The following MTA3 variants were observed in gnomAD, a reference collection of about 807,000 sequenced individuals.
MTA3 encodes the protein metastasis-associated protein MTA3.
MTA3 carries 34 observed loss-of-function variants against 83.5 expected under a neutral mutation model. That is an observed-to-expected ratio of 0.41 (90% CI 0.31 to 0.54). MTA3 has a LOEUF of 0.54. Among genes scored for constraint, MTA3 ranks in the 20% least tolerant of loss-of-function variants. The pLI, the probability that MTA3 is intolerant of heterozygous loss-of-function variation, is 0.33. For synonymous variants in MTA3, 303 were observed against 252.7 expected, an observed-to-expected ratio of 1.20 and a Z score of -1.89; for missense variants, 761 against 726.4, an observed-to-expected ratio of 1.05 and a Z score of -0.55.
At chr2:42,552,958 A>T (rs75438297) in intron 2 of MTA3, among the ~76,000 whole-genome samples, 25 of 121,490 alleles carry the variant, frequency 2.1e-4, no homozygotes, top group South Asian at 7.0e-4. Flanking sequence ...TCAAAAAATT[A>T]AAAAAAAAAA....
intron 2 of MTA3, 115 bp from the exon 3 acceptor site, chr2:42,578,992 T>C (rs1679332217): frequency 3.2e-6 from 2 of 627,222 alleles, no homozygotes; most frequent in Non-Finnish European, 5.3e-6. Flanking sequence ...GCAGTTGTGG[T>C]TGGCACCAGT....
chr2:42,713,316 GTT>G (rs1195796468), intron 14 of MTA3, among the ~76,000 whole-genome samples: 1 of 150,776 alleles, frequency 6.6e-6, no homozygotes, highest in Non-Finnish European at 1.5e-5. Flanking sequence ...TGAAAAATGT[GTT>G]TTATGAGATT....
At chr2:42,576,589 A>AC (rs1315535111) in intron 2 of MTA3, among the ~76,000 whole-genome samples, 1 of 147,772 alleles carries the variant, frequency 6.8e-6, no homozygotes, top group African/African-American at 2.5e-5. Flanking sequence ...ACATAATAAG[A>AC]CCCCCCATCT....
chr2:42,595,416 T>A (rs1039336723), intron 3 of MTA3, among the ~76,000 whole-genome samples: 2 of 152,122 alleles, frequency 1.3e-5, no homozygotes, highest in Non-Finnish European at 2.9e-5. Context: ...GGCATGTTTT[T>A]ATATTTTTAA....
intron 9 of MTA3, among the ~76,000 whole-genome samples, chr2:42,693,366 T>A (rs771694373): frequency 6.6e-5 from 10 of 152,230 alleles, no homozygotes; most frequent in Non-Finnish European, 1.3e-4. Context: ...AGAGATGCTG[T>A]CTGAGAACCA....
intron 4 of MTA3, among the ~76,000 whole-genome samples, chr2:42,635,915 A>G (rs2104280773): frequency 6.6e-6 from 1 of 152,076 alleles, no homozygotes; most frequent in East Asian, 1.9e-4. Context: ...ACAGGCGTGC[A>G]CCACCACACC....
chr2:42,603,818 A>G (rs1400456366), intron 3 of MTA3, among the ~76,000 whole-genome samples: 1 of 151,246 alleles, frequency 6.6e-6, no homozygotes, highest in Non-Finnish European at 1.5e-5. Flanking sequence ...GTGTGCAGTG[A>G]TGGCTCACTG....
rs1409021003 is a variant in MTA3, at chr2:42,531,693, T to C, written c.-141+36439T>C. On this transcript the variant is annotated intron_variant, in intron 2 of 17. Coordinates refer to the MTA3 transcript ENST00000405592. ...GTCTCAAACTCCTGACCTTGTGATC[T>C]GTCCACATCAGCCTCCCAAAGTGCT... is the stretch of plus-strand genomic sequence containing the variant. 3.3e-5 allele frequency among the ~76,000 whole-genome samples: 5 copies of C among 151,850 alleles called. 1 individual carries two copies. Among genetic ancestry groups the C allele is most frequent in the Admixed American group, 2.0e-4 (3 of 15,208 alleles).
intron 9 of MTA3, among the ~76,000 whole-genome samples, chr2:42,689,513 C>G (rs531361010): frequency 6.6e-6 from 1 of 152,108 alleles, no homozygotes; most frequent in African/African-American, 2.4e-5. Flanking sequence ...GTGAAGTCAT[C>G]TCTTTTTGGA....
rs142774108 is a variant in MTA3 at position 42,696,414 on chromosome 2, G to A, written c.966+575G>A. ...GGTAACTCTCAATTACTTATTTTTT[G>A]AATAATATTACCTCTGGGGAAAGGC... On this transcript the variant is annotated intron_variant, in intron 10 of 16. Transcript: ENST00000405094. 2.0e-5 allele frequency among the ~76,000 whole-genome samples: 3 copies of A among 152,022 alleles called. No homozygotes were observed. In the East Asian group the frequency reaches 5.8e-4, roughly 29 times the overall value.
At chr2:42,703,121 G>C (rs1007108103) in intron 11 of MTA3, 7 of 151,966 alleles carry the variant, frequency 4.6e-5, no homozygotes, top group African/African-American at 1.5e-4. Flanking sequence ...ACCTATGCCT[G>C]GGTAATTTTT....
intron 14 of MTA3, among the ~76,000 whole-genome samples, chr2:42,715,944 C>A (rs1666995260): frequency 1.3e-5 from 2 of 152,166 alleles, no homozygotes; most frequent in African/African-American, 4.8e-5. Flanking sequence ...TTGTCCTTAT[C>A]CCAAATATAA....
At chr2:42,509,221 G>C (rs1674786601) in intron 2 of MTA3, among the ~76,000 whole-genome samples, 1 of 151,886 alleles carries the variant, frequency 6.6e-6, no homozygotes, top group Non-Finnish European at 1.5e-5. Context: ...TTTTGTATTT[G>C]TAGTAGAAAC....
At chr2:42,563,369 A>G (rs1300695234) in intron 2 of MTA3, among the ~76,000 whole-genome samples, 2 of 151,952 alleles carry the variant, frequency 1.3e-5, no homozygotes, top group Admixed American at 6.6e-5. Context: ...GGGTTTTGCC[A>G]TGCTGGCCAG....
chr2:42,695,586 C>T (rs1430872041), intron 9 of MTA3, among the ~76,000 whole-genome samples, 179 bp from the exon 10 acceptor site: 3 of 119,550 alleles, frequency 2.5e-5, no homozygotes, highest in African/African-American at 3.3e-5. Context: ...TGTGAGCTGA[C>T]ATCGCGCCAC....
chr2:42,705,892 C>T (rs1480288874), intron 12 of MTA3, among the ~76,000 whole-genome samples: 2 of 152,000 alleles, frequency 1.3e-5, no homozygotes, highest in Non-Finnish European at 2.9e-5. Flanking sequence ...TAAGATTTAT[C>T]CTTACAGAGA....
intron 4 of MTA3, among the ~76,000 whole-genome samples, chr2:42,619,113 A>T (rs917115049): frequency 6.6e-6 from 1 of 152,200 alleles, no homozygotes; most frequent in Admixed American, 6.5e-5. Flanking sequence ...TGATTGCAAA[A>T]TGAACAACGG....
chr2:42,650,993 T>C (rs892228485), intron 6 of MTA3, among the ~76,000 whole-genome samples: 1 of 152,178 alleles, frequency 6.6e-6, no homozygotes, highest in African/African-American at 2.4e-5. Flanking sequence ...CAAACCTAGA[T>C]AGGTGCAGCT....
At chr2:42,728,876 A>G (rs1438431347) in intron 16 of MTA3, among the ~76,000 whole-genome samples, 2 of 152,136 alleles carry the variant, frequency 1.3e-5, no homozygotes, top group East Asian at 1.9e-4. Context: ...TCAGATGGAT[A>G]GCAGATATTT....
Sources: allele counts gnomAD v4.1 joint callset (sites outside exome capture counted in the v4.1 genomes callset), GRCh38; gene constraint gnomAD v4.1.1; transcripts MANE v1.5; gene names NCBI Gene and HGNC (gene_info 2026-07-23, HGNC 2026-07-21).